Variants in STPG2 observed in about 807,000 individuals in gnomAD.
The protein encoded by STPG2 is sperm tail PG-rich repeat containing 2.
A neutral mutation model predicts 54.2 loss-of-function variants in STPG2; 56 were observed. That is an observed-to-expected ratio of 1.03 (90% confidence interval 0.83 to 1.29). STPG2 has a LOEUF of 1.29. STPG2 is among the 50% of genes most tolerant of loss of function. STPG2 has a pLI of 0.00. For synonymous variants in STPG2, 200 were observed against 181.8 expected (o/e 1.10, Z -0.81); for missense variants, 596 against 544.9 (o/e 1.09, Z -0.93).
intron 5 of STPG2, among the ~76,000 whole-genome samples, chr4:98,033,990 A>G (rs1736686625): frequency 6.6e-6 from 1 of 152,172 alleles, no homozygotes; most frequent in African/African-American, 2.4e-5. Context: ...CCCACAGCCA[A>G]TATCAAACTG....
At chr4:98,026,346 T>A in intron 5 of STPG2, 1 of 490,802 alleles carries the variant, frequency 2.0e-6, no homozygotes, top group Non-Finnish European at 3.6e-6. Flanking sequence ...TGTACCGTGT[T>A]AGTTACCGAT....
At chr4:97,968,877 C>A (rs550057535) in intron 7 of STPG2, among the ~76,000 whole-genome samples, 5 of 152,272 alleles carry the variant, frequency 3.3e-5, no homozygotes, top group African/African-American at 1.2e-4. Flanking sequence ...GCCAACAGCG[C>A]GTGATGTGCT....
chr4:97,650,163 G>T (rs2148952598), intron 10 of STPG2, among the ~76,000 whole-genome samples: 1 of 152,270 alleles, frequency 6.6e-6, no homozygotes, highest in East Asian at 1.9e-4. Flanking sequence ...GCAGTGGGGA[G>T]TGGCTGTAAA....
intron 9 of STPG2, among the ~76,000 whole-genome samples, chr4:97,809,307 A>T (rs1727666111): frequency 6.6e-6 from 1 of 152,208 alleles, no homozygotes; most frequent in Non-Finnish European, 1.5e-5. Flanking sequence ...TTTAACTAAA[A>T]CTGAGTAAAC....
At chr4:97,680,264 G>T (rs1366242743) in intron 10 of STPG2, among the ~76,000 whole-genome samples, 1 of 151,806 alleles carries the variant, frequency 6.6e-6, no homozygotes, top group Non-Finnish European at 1.5e-5. Context: ...CATGAGCATG[G>T]AATGTTCTTC....
At position 97,861,543 on chromosome 4, in the gene STPG2, T is replaced by C. The variant is rs182116665; in HGVS notation, c.1045-20611A>G. On this transcript the variant is annotated intron_variant, in intron 8 of 10. Coordinates refer to ENST00000295268, the MANE Select transcript of STPG2 (RefSeq NM_174952.3). ...AAGAAATCAGTATATCAAAGAGATATCTGCACTCCTATGTTTATGGCAGCA... is the reference window on the plus strand; with the variant it reads ...AAGAAATCAGTATATCAAAGAGATACCTGCACTCCTATGTTTATGGCAGCA... Among the ~76,000 whole-genome samples, 4 of 152,230 alleles carry C rather than the reference T, an allele frequency of 2.6e-5. No homozygotes were observed. In the East Asian group the frequency reaches 7.7e-4, roughly 29 times the overall value.
chr4:97,945,130 A>G (rs1290271468), intron 7 of STPG2, among the ~76,000 whole-genome samples: 1 of 152,034 alleles, frequency 6.6e-6, no homozygotes, highest in Non-Finnish European at 1.5e-5. Flanking sequence ...ACAGTGGTGA[A>G]TTCTTAGATT....
intron 8 of STPG2, among the ~76,000 whole-genome samples, chr4:97,856,379 C>G (rs1270734810): frequency 6.6e-6 from 1 of 152,138 alleles, no homozygotes; most frequent in African/African-American, 2.4e-5. Flanking sequence ...CCTTCACTTC[C>G]CATGTTAGCT....
At chr4:97,715,523 G>T (rs1244409778) in intron 9 of STPG2, among the ~76,000 whole-genome samples, 1 of 151,938 alleles carries the variant, frequency 6.6e-6, no homozygotes, top group Non-Finnish European at 1.5e-5. Context: ...CTATGTTTCT[G>T]TCCCTTCAAT....
intron 5 of STPG2, among the ~76,000 whole-genome samples, chr4:98,038,538 T>A (rs962178490): frequency 6.6e-6 from 1 of 151,696 alleles, no homozygotes; most frequent in African/African-American, 2.4e-5. Context: ...AATAAGAGAA[T>A]CTCACATCCC....
At chr4:97,553,264 C>T (rs1392636327) in intron 4 of STPG2, among the ~76,000 whole-genome samples, 1 of 152,110 alleles carries the variant, frequency 6.6e-6, no homozygotes, top group Non-Finnish European at 1.5e-5. Context: ...TTTTTTTCTA[C>T]TTGCTTTCAC....
intron 9 of STPG2, among the ~76,000 whole-genome samples, chr4:97,748,615 G>A (rs1725491258): frequency 6.6e-6 from 1 of 151,480 alleles, no homozygotes; most frequent in Non-Finnish European, 1.5e-5. Context: ...TTTAGGTTTT[G>A]CAGACTATAT....
At position 98,143,098 on chromosome 4, in the gene STPG2, T is replaced by G. The variant is rs371275654; in HGVS notation, c.53A>C (p.Glu18Ala). The change falls in exon 1 of 11, where the codon GAG becomes GCG. Residue 18 changes from glutamate (E) to alanine (A), a missense_variant. Physicochemically the swap from Glu to Ala is moderately radical, Grantham distance 107. Coordinates refer to ENST00000295268, the MANE Select transcript of STPG2 (RefSeq NM_174952.3). The stretch of plus-strand genomic sequence containing the variant: ...GTAGGATCCAGGACCCACATGGGCC[T>G]CAGTGCTGCCACCTTCAGCCAATTT... ...LLKLAEGGST[E>A]AHVGPGSYQV... 8.1e-6 allele frequency: 13 copies of G among 1,613,838 alleles called. No individual in the cohort carries two copies. Among genetic ancestry groups the G allele is most frequent in the Middle Eastern group, 1.6e-4 (1 of 6,080 alleles).
intron 9 of STPG2, among the ~76,000 whole-genome samples, chr4:97,752,269 T>C (rs1023518153): frequency 6.6e-6 from 1 of 151,756 alleles, no homozygotes; most frequent in Non-Finnish European, 1.5e-5. Flanking sequence ...ATGCTAAATA[T>C]GCTTTAAAGG....
At chr4:97,750,965 G>A (rs545986807) in intron 9 of STPG2, among the ~76,000 whole-genome samples, 6 of 151,846 alleles carry the variant, frequency 4.0e-5, no homozygotes, top group African/African-American at 1.4e-4. Flanking sequence ...GATGCTACAA[G>A]GTGAGAACTT....
chr4:97,998,462 T>C (rs1310158052), intron 5 of STPG2, among the ~76,000 whole-genome samples: 1 of 152,054 alleles, frequency 6.6e-6, no homozygotes, highest in South Asian at 2.1e-4. Context: ...TGATACGACA[T>C]GGACTAGAAA....
At chr4:97,990,338 T>C (rs954191744) in intron 5 of STPG2, among the ~76,000 whole-genome samples, 1 of 152,108 alleles carries the variant, frequency 6.6e-6, no homozygotes, top group Non-Finnish European at 1.5e-5. Context: ...AGCTCCAAAA[T>C]AAGTCTGTGA....
Position 97,904,769 on chromosome 4 carries a change from G to T in STPG2, c.1044+39128C>A, listed in dbSNP as rs567787946. 3.9e-5 allele frequency among the ~76,000 whole-genome samples: 6 copies of T among 152,346 alleles called. No homozygotes were observed. In the South Asian group the frequency reaches 1.2e-3, roughly 32 times the overall value. ...ATACAGAGAAGTGCCTAAAGGAGCTGATGGAGCTGAAAACCAAGGCTTGAG... is the reference window on the plus strand; with the variant it reads ...ATACAGAGAAGTGCCTAAAGGAGCTTATGGAGCTGAAAACCAAGGCTTGAG... On this transcript the variant is annotated intron_variant, in intron 8 of 10. Coordinates refer to ENST00000295268, the MANE Select transcript of STPG2 (RefSeq NM_174952.3).
At chr4:97,746,502 T>C (rs1294761109) in intron 9 of STPG2, among the ~76,000 whole-genome samples, 2 of 151,246 alleles carry the variant, frequency 1.3e-5, no homozygotes, top group Admixed American at 6.6e-5. Context: ...TAAAGAATAA[T>C]ACTGAGAAGT....
Sources: gnomAD v4.1 joint callset for allele counts (sites outside exome capture counted in the v4.1 genomes callset) on GRCh38, gnomAD v4.1.1 for gene constraint, MANE v1.5 for transcripts, NCBI Gene and HGNC (gene_info 2026-07-23, HGNC 2026-07-21) for gene names.